ADGRB3: variants seen among roughly 807,000 people sequenced by gnomAD.
The protein encoded by ADGRB3 is brain-specific angiogenesis inhibitor 3.
In ADGRB3, 37 loss-of-function variants were observed where a neutral mutation model predicts 193.4. That is an observed-to-expected ratio of 0.19 (90% CI 0.15 to 0.25). The LOEUF (loss-of-function observed/expected upper bound fraction) is 0.25. ADGRB3 is among the 10% of genes least tolerant of loss of function. ADGRB3 has a pLI of 1.00. For synonymous variants in ADGRB3, 690 were observed against 644.2 expected (o/e 1.07, Z -1.08); for missense variants, 1,637 against 1,852.9 (o/e 0.88, Z 2.14).
chr6:68,657,974 T>G (rs1768531214), intron 3 of ADGRB3, among the ~76,000 whole-genome samples: 1 of 151,426 alleles, frequency 6.6e-6, no homozygotes, highest in African/African-American at 2.4e-5. Context: ...CTGTAGTAGA[T>G]ATTTTGAGAA....
chr6:69,287,279 C>G (rs1188448926), intron 20 of ADGRB3, among the ~76,000 whole-genome samples: 1 of 152,128 alleles, frequency 6.6e-6, no homozygotes, highest in African/African-American at 2.4e-5. Context: ...CAAATAATAA[C>G]TACTAAGTGA....
chr6:69,334,142 T>A (rs1184847488), intron 24 of ADGRB3, among the ~76,000 whole-genome samples: 1 of 152,022 alleles, frequency 6.6e-6, no homozygotes, highest in African/African-American at 2.4e-5. Context: ...TTGTTTTTTC[T>A]TTGTGTCCTT....
chr6:69,063,737 ACTGCAGCTGAAATG>A (rs1213595458), intron 16 of ADGRB3, among the ~76,000 whole-genome samples: 63 of 152,074 alleles, frequency 4.1e-4, no homozygotes, highest in African/African-American at 1.4e-3. Flanking sequence ...AATCTATCCA[ACTGCAGCTGAAATG>A]CTTCAGATTT....
chr6:69,083,142 A>G (rs1447296549), intron 17 of ADGRB3, among the ~76,000 whole-genome samples: 3 of 152,244 alleles, frequency 2.0e-5, no homozygotes, highest in Non-Finnish European at 4.4e-5. Context: ...TTAAATCCAT[A>G]TCTCCTCATA....
At chr6:68,815,412 A>G (rs1375762593) in intron 3 of ADGRB3, among the ~76,000 whole-genome samples, 1 of 152,138 alleles carries the variant, frequency 6.6e-6, no homozygotes, top group Non-Finnish European at 1.5e-5. Flanking sequence ...AAATTGTCTA[A>G]CATTTATGAA....
intron 15 of ADGRB3, among the ~76,000 whole-genome samples, chr6:69,056,875 G>T (rs1771558980): frequency 6.6e-6 from 1 of 152,098 alleles, no homozygotes; most frequent in South Asian, 2.1e-4. Flanking sequence ...CTTGAAAATA[G>T]AGAATACCTT....
At chr6:68,987,130 G>A (rs1306326792) in intron 10 of ADGRB3, among the ~76,000 whole-genome samples, 2 of 152,050 alleles carry the variant, frequency 1.3e-5, no homozygotes, top group African/African-American at 4.8e-5. Context: ...TGCTCACAGT[G>A]TTGCAATGTG....
In ADGRB3 at chr6:68,917,724, CCTT is replaced by C. The variant is rs1476092605; in HGVS notation, c.758-12832_758-12830del. Among the ~76,000 whole-genome samples the C allele has an allele frequency of 3.3e-5, 5 of 152,206 alleles. No homozygotes were observed. The East Asian group carries it at 7.7e-4, about 23-fold the overall frequency. ...CTTTTTTTGAAACAATCTTCACTCT[CCTT>C]CTCACCTTTTTAATGTTCTGAGCAC... On this transcript the variant is annotated intron_variant, in intron 3 of 31. Coordinates refer to ENST00000370598, the MANE Select transcript of ADGRB3 (RefSeq NM_001704.3).
At chr6:69,045,248 C>T (rs997012008) in intron 13 of ADGRB3, among the ~76,000 whole-genome samples, 1 of 152,086 alleles carries the variant, frequency 6.6e-6, no homozygotes, top group Admixed American at 6.5e-5. Flanking sequence ...TATAAATTAC[C>T]TTTGCTACAT....
chr6:69,076,133 C>A, intron 17 of ADGRB3, 95 bp downstream of exon 17: 2 of 1,060,078 alleles, frequency 1.9e-6, no homozygotes, highest in Non-Finnish European at 2.9e-6. Context: ...GAATATAAGT[C>A]AGTGGGATGT....
intron 17 of ADGRB3, among the ~76,000 whole-genome samples, chr6:69,140,402 G>A (rs7746972): frequency 0.76 from 116,228 of 152,096 alleles, 45,876 homozygotes; most frequent in East Asian, 1. Context: ...CAAACTTCAC[G>A]TGTTCTCATT....
intron 3 of ADGRB3, among the ~76,000 whole-genome samples, chr6:68,874,700 T>G (rs1765543156): frequency 6.6e-6 from 1 of 152,188 alleles, no homozygotes; most frequent in Non-Finnish European, 1.5e-5. Context: ...CTGTCAGAAT[T>G]CCATACATGG....
chr6:69,231,092 G>A (rs903583988), intron 17 of ADGRB3, among the ~76,000 whole-genome samples: 8 of 152,146 alleles, frequency 5.3e-5, no homozygotes, highest in African/African-American at 1.9e-4. Context: ...TTTTGCCTGG[G>A]GCTCGGCCAG....
chr6:69,281,735 G>A (rs1767441749), intron 20 of ADGRB3, among the ~76,000 whole-genome samples: 1 of 152,160 alleles, frequency 6.6e-6, no homozygotes, highest in Admixed American at 6.5e-5. Context: ...TTCCTTTGGG[G>A]AGAATCCACT....
intron 20 of ADGRB3, among the ~76,000 whole-genome samples, chr6:69,305,999 A>C (rs1470076819): frequency 2.0e-5 from 3 of 151,552 alleles, no homozygotes. Context: ...TAAGTAATCT[A>C]AAGATGATTT....
intron 3 of ADGRB3, among the ~76,000 whole-genome samples, chr6:68,769,754 C>A (rs1057113850): frequency 3.3e-5 from 5 of 152,072 alleles, no homozygotes; most frequent in African/African-American, 1.2e-4. Flanking sequence ...AAGTTTTAAT[C>A]TTTTTTATTT....
At chr6:68,918,953 C>G (rs959891989) in intron 3 of ADGRB3, among the ~76,000 whole-genome samples, 11 of 151,872 alleles carry the variant, frequency 7.2e-5, no homozygotes, top group African/African-American at 2.7e-4. Context: ...TTTTTCAATT[C>G]CTTCCACAAT....
intron 17 of ADGRB3, among the ~76,000 whole-genome samples, chr6:69,218,185 T>C (rs1426493222): frequency 6.6e-6 from 1 of 152,128 alleles, no homozygotes; most frequent in African/African-American, 2.4e-5. Flanking sequence ...CAAAGTGGTC[T>C]ATAAGTATGT....
At chr6:68,722,041 GT>G (rs1765593550) in intron 3 of ADGRB3, among the ~76,000 whole-genome samples, 1 of 151,136 alleles carries the variant, frequency 6.6e-6, no homozygotes, top group South Asian at 2.1e-4. Context: ...CATTATTCAT[GT>G]TTTTTTAGTT....
Sources: allele counts gnomAD v4.1 joint callset (sites outside exome capture counted in the v4.1 genomes callset), GRCh38; gene constraint gnomAD v4.1.1; transcripts MANE v1.5; gene names NCBI Gene and HGNC (gene_info 2026-07-23, HGNC 2026-07-21).